The following OPCML variants were observed in gnomAD, a reference collection of about 807,000 sequenced individuals.
OPCML encodes the protein opioid-binding protein/cell adhesion molecule.
A neutral mutation model predicts 37.8 loss-of-function variants in OPCML; 13 were observed. The observed-to-expected ratio is 0.34, with a 90% CI of 0.22 to 0.55. The LOEUF (loss-of-function observed/expected upper bound fraction) is 0.55, where lower values mean the gene tolerates loss of function less well. OPCML is among the 20% of genes least tolerant of loss of function. The probability of loss-of-function intolerance (pLI) is 0.91; values close to 1 mark genes in which losing one functional copy is unlikely to be tolerated. For missense variants in OPCML, 341 were observed against 435.6 expected (o/e 0.78, Z 1.93); for synonymous variants, 176 against 168.8 (o/e 1.04, Z -0.33).
In OPCML at chr11:132,594,486, T is replaced by C. The variant is rs2096489457; in HGVS notation, c.379+62601A>G. ...TATATTTAAAATATATTGAAATGTATGCTTTTATAATTTTAAAATTACCAT... is the reference window on the plus strand; with the variant it reads ...TATATTTAAAATATATTGAAATGTACGCTTTTATAATTTTAAAATTACCAT... On this transcript the variant is annotated intron_variant, in intron 3 of 7. Transcript: ENST00000524381. Among the ~76,000 whole-genome samples the C allele has an allele frequency of 2.0e-5, 3 of 152,320 alleles. No homozygotes were observed. In the South Asian group the frequency reaches 6.2e-4, roughly 32 times the overall value.
chr11:132,976,536 T>G (rs1339729526), intron 1 of OPCML, among the ~76,000 whole-genome samples: 1 of 152,160 alleles, frequency 6.6e-6, no homozygotes, highest in African/African-American at 2.4e-5. Context: ...CCGCAACCAG[T>G]TCCAAGCTCC....
At chr11:133,377,811 G>T (rs895965475) in intron 1 of OPCML, among the ~76,000 whole-genome samples, 1 of 152,046 alleles carries the variant, frequency 6.6e-6, no homozygotes, top group East Asian at 1.9e-4. Flanking sequence ...TGCGGGTCCT[G>T]TTTCCCCACT....
chr11:132,779,791 T>C (rs889437182), intron 2 of OPCML, among the ~76,000 whole-genome samples: 4 of 152,184 alleles, frequency 2.6e-5, no homozygotes, highest in Non-Finnish European at 5.9e-5. Context: ...TTTTGTTTTA[T>C]GGGTACAGAA....
Position 132,883,608 on chromosome 11 carries a change from G to A in OPCML, c.146+59318C>T, listed in dbSNP as rs146737717. ...GATGACATACAGGAATACTGTTAGCGTTTTGAGACTGGGTAAATAGGAGAA... is the reference window on the plus strand; with the variant it reads ...GATGACATACAGGAATACTGTTAGCATTTTGAGACTGGGTAAATAGGAGAA... On this transcript the variant is annotated intron_variant, in intron 2 of 7. Coordinates refer to ENST00000524381, the MANE Select transcript of OPCML (RefSeq NM_001012393.5). Among the ~76,000 whole-genome samples, 1,504 of 152,284 alleles carry A rather than the reference G, an allele frequency of 9.9e-3. 12 individuals are homozygous for A. The highest frequency in any genetic ancestry group is 0.024 in the Middle Eastern group (7 of 294).
chr11:133,199,638 G>A (rs997796673), intron 1 of OPCML, among the ~76,000 whole-genome samples: 14 of 152,080 alleles, frequency 9.2e-5, no homozygotes, highest in South Asian at 2.1e-4. Flanking sequence ...CAAGTATTCC[G>A]CAAAATGTGG....
intron 4 of OPCML, among the ~76,000 whole-genome samples, chr11:132,455,055 C>T (rs904066666): frequency 6.6e-6 from 1 of 152,162 alleles, no homozygotes; most frequent in Non-Finnish European, 1.5e-5. Flanking sequence ...TATTACAGGT[C>T]GAACCCTGTC....
chr11:132,684,944 T>A (rs1419142998), intron 2 of OPCML, among the ~76,000 whole-genome samples: 2 of 152,220 alleles, frequency 1.3e-5, no homozygotes, highest in Non-Finnish European at 2.9e-5. Flanking sequence ...AAAGTCAGCA[T>A]CTCTTCTGTA....
intron 2 of OPCML, among the ~76,000 whole-genome samples, chr11:132,695,989 C>G (rs1943585992): frequency 6.6e-6 from 1 of 152,162 alleles, no homozygotes; most frequent in African/African-American, 2.4e-5. Context: ...GAAATGGCAA[C>G]TGCACCCACA....
chr11:132,789,010 C>T (rs1937713676), intron 2 of OPCML, among the ~76,000 whole-genome samples: 1 of 152,052 alleles, frequency 6.6e-6, no homozygotes, highest in Admixed American at 6.5e-5. Context: ...CCTTTGTATG[C>T]TGTGAGCCAG....
intron 3 of OPCML, among the ~76,000 whole-genome samples, chr11:132,561,989 G>A (rs766759996): frequency 6.6e-6 from 1 of 152,176 alleles, no homozygotes. Flanking sequence ...GTATTAGACC[G>A]AACTGAAGGC....
chr11:133,399,670 TA>T (rs1592265626), intron 1 of OPCML, among the ~76,000 whole-genome samples: 1 of 152,054 alleles, frequency 6.6e-6, no homozygotes, highest in African/African-American at 2.4e-5. Context: ...AAATGGCCAT[TA>T]GTCCTATTCT....
At chr11:133,169,626 C>T (rs1381386109) in intron 1 of OPCML, among the ~76,000 whole-genome samples, 1 of 152,090 alleles carries the variant, frequency 6.6e-6, no homozygotes, top group Non-Finnish European at 1.5e-5. Context: ...AAAAATTATT[C>T]CAGGATCATT....
At chr11:133,421,187 C>A (rs1479368254) in intron 1 of OPCML, 3 of 985,384 alleles carry the variant, frequency 3.0e-6, no homozygotes, top group Non-Finnish European at 2.4e-6. Context: ...TGATAGCTCT[C>A]AGTTGCAAGG....
intron 1 of OPCML, among the ~76,000 whole-genome samples, chr11:133,404,869 A>T (rs1213349195): frequency 1.3e-5 from 2 of 152,256 alleles, no homozygotes; most frequent in African/African-American, 2.4e-5. Context: ...GAATAATAAA[A>T]TACAAACAGA....
chr11:132,598,815 G>GT (rs201228666), intron 3 of OPCML, among the ~76,000 whole-genome samples: 53 of 151,878 alleles, frequency 3.5e-4, no homozygotes, highest in East Asian at 2.3e-3. Context: ...TCTAGTTTAT[G>GT]TTTTTTTTAA....
intron 3 of OPCML, among the ~76,000 whole-genome samples, chr11:132,652,736 A>T (rs941553368): frequency 6.6e-6 from 1 of 152,332 alleles, no homozygotes; most frequent in East Asian, 1.9e-4. Flanking sequence ...AGCTTGTCAC[A>T]TCGAGGACCC....
intron 1 of OPCML, among the ~76,000 whole-genome samples, chr11:133,458,495 CGT>C (rs747667190): frequency 0.01 from 988 of 95,936 alleles, 84 homozygotes; most frequent in Non-Finnish European, 0.014. Flanking sequence ...CATATATACA[CGT>C]GTGTGTGTAT....
intron 1 of OPCML, among the ~76,000 whole-genome samples, chr11:133,502,260 C>T (rs1027157362): frequency 1.7e-4 from 26 of 152,182 alleles, no homozygotes; most frequent in Admixed American, 5.2e-4. Flanking sequence ...TGAGAAATGA[C>T]GCCATACAGC....
chr11:132,773,211 T>G (rs919011521), intron 2 of OPCML: 1 of 152,126 alleles, frequency 6.6e-6, no homozygotes, highest in Admixed American at 6.5e-5. Context: ...AGTGCTGAGA[T>G]AGACCCGAAA....
Sources: gnomAD v4.1 joint callset for allele counts (sites outside exome capture counted in the v4.1 genomes callset) on GRCh38, gnomAD v4.1.1 for gene constraint, MANE v1.5 for transcripts, NCBI Gene and HGNC (gene_info 2026-07-23, HGNC 2026-07-21) for gene names.